RBM19: variants seen among roughly 807,000 people sequenced by gnomAD.
The protein encoded by RBM19 is RNA binding motif protein 19.
Under a neutral mutation model 116.8 loss-of-function variants are expected in RBM19, and 94 were observed. The ratio of observed to expected loss-of-function variants is 0.80; its 90% CI spans 0.68 to 0.95. The LOEUF is 0.95. Ranked by LOEUF, RBM19 falls within the 40% of genes least tolerant of loss-of-function variation. The pLI, the probability that RBM19 is intolerant of heterozygous loss-of-function variation, is 0.00. For synonymous variants in RBM19, 475 were observed against 494.1 expected (o/e 0.96, Z 0.51); for missense variants, 1,161 against 1,220.7 (o/e 0.95, Z 0.73).
At chr12:113,913,665 T>G (rs1342796201) in intron 21 of RBM19, among the ~76,000 whole-genome samples, 1 of 152,242 alleles carries the variant, frequency 6.6e-6, no homozygotes, top group Non-Finnish European at 1.5e-5. Context: ...TAATTGTTTC[T>G]CATCTCCAAA....
At chr12:113,953,617 T>C (rs1871659596) in intron 7 of RBM19, among the ~76,000 whole-genome samples, 1 of 152,226 alleles carries the variant, frequency 6.6e-6, no homozygotes, top group Admixed American at 6.5e-5. Flanking sequence ...GAAACATTAA[T>C]AATACCCAGG....
intron 6 of RBM19, 72 bp from the exon 7 acceptor site, chr12:113,955,283 G>A: frequency 7.0e-7 from 1 of 1,430,212 alleles, no homozygotes; most frequent in Admixed American, 1.7e-5. Flanking sequence ...TGGCACACTG[G>A]GACATTTCAG....
rs376285130 is a variant in RBM19, at chr12:113,920,185, T to C, written c.2385+426A>G. Among the ~76,000 whole-genome samples the C allele has an allele frequency of 4.6e-5, 7 of 152,264 alleles. No homozygotes were observed. The East Asian group carries it at 1.2e-3, about 25-fold the overall frequency. Reference sequence around the variant, plus strand: ...CTGGCCAAGCAGGTGTGGCCTCAACTGTCACCTCCTTAGAGAGGCCTTCCC... The same window carrying C: ...CTGGCCAAGCAGGTGTGGCCTCAACCGTCACCTCCTTAGAGAGGCCTTCCC... On this transcript the variant is annotated intron_variant, in intron 19 of 23. Transcript: ENST00000261741.
chr12:113,895,599 G>A (rs904812843), intron 21 of RBM19, among the ~76,000 whole-genome samples: 1 of 152,132 alleles, frequency 6.6e-6, no homozygotes, highest in Admixed American at 6.6e-5. Flanking sequence ...TCGCCTACAG[G>A]TTCACATATG....
At chr12:113,887,997 C>G (rs1186115264) in intron 21 of RBM19, among the ~76,000 whole-genome samples, 1 of 152,168 alleles carries the variant, frequency 6.6e-6, no homozygotes, top group South Asian at 2.1e-4. Context: ...GTTGAGATTA[C>G]AGGTGTGAGC....
chr12:113,911,917 AAG>A (rs1882454093), intron 21 of RBM19, among the ~76,000 whole-genome samples: 1 of 152,170 alleles, frequency 6.6e-6, no homozygotes, highest in African/African-American at 2.4e-5. Context: ...GAAGTCCGAA[AAG>A]AGAGCCACAG....
rs1232390412 is a variant in RBM19 at position 113,898,287 on chromosome 12, G to A, written c.2558+16682C>T. Among the ~76,000 whole-genome samples the A allele has an allele frequency of 2.6e-5, 4 of 152,036 alleles. No homozygotes were observed. The East Asian group carries it at 7.7e-4, about 29-fold the overall frequency. On this transcript the variant is annotated intron_variant, in intron 21 of 23. Coordinates refer to ENST00000261741, the MANE Select transcript of RBM19 (RefSeq NM_016196.4). This position sits in a 1 kb window ranked among gnomAD's most constrained non-coding sequence, Gnocchi z 4.3. ...ATTTAGACAGTCTAATTTTTAATAC[G>A]TGTACATACATGTGTATCATGATAG...
At chr12:113,927,394 G>A in intron 16 of RBM19, 165 bp from the exon 17 acceptor site, 1 of 742,914 alleles carries the variant, frequency 1.3e-6, no homozygotes, top group Non-Finnish European at 2.1e-6. Context: ...AACTTGTGCT[G>A]AGCTTCAGCA....
In RBM19 at chr12:113,924,687, T is replaced by C. The variant is rs748712958; in HGVS notation, c.2305+10A>G. Reference sequence around the variant, plus strand: ...AATACTGAACACTTTCCGAATTTCATGCGGAATACCTGCTTTGTTCTTCTT... The same window carrying C: ...AATACTGAACACTTTCCGAATTTCACGCGGAATACCTGCTTTGTTCTTCTT... On this transcript the variant is annotated intron_variant, in intron 18 of 23. Transcript: ENST00000261741. 5.9e-6 allele frequency: 9 copies of C among 1,535,472 alleles called. No individual in the cohort carries two copies. The highest frequency in any genetic ancestry group is 4.5e-5 in the South Asian group (4 of 89,398).
downstream of RBM19, among the ~76,000 whole-genome samples, chr12:113,818,729 A>G (rs979218058): frequency 7.2e-5 from 11 of 152,116 alleles, no homozygotes; most frequent in Admixed American, 6.5e-5. Flanking sequence ...AGACACTGAG[A>G]GCCTAGAGAT....
intron 21 of RBM19, among the ~76,000 whole-genome samples, chr12:113,879,962 C>T (rs1879987373): frequency 6.6e-6 from 1 of 151,884 alleles, no homozygotes; most frequent in Admixed American, 6.6e-5. Flanking sequence ...CCTTCTCTGG[C>T]AGCAGCTCTG....
At chr12:113,819,537 G>A (rs1290334036), downstream of RBM19, among the ~76,000 whole-genome samples, 1 of 152,234 alleles carries the variant, frequency 6.6e-6, no homozygotes, top group African/African-American at 2.4e-5. Context: ...TCCCTCCTCA[G>A]TGCCACCTCT....
intron 4 of RBM19, 82 bp from the exon 5 acceptor site, chr12:113,959,486 C>T (rs527626670): frequency 7.1e-7 from 1 of 1,406,084 alleles, no homozygotes; most frequent in South Asian, 1.3e-5. Context: ...GGGGCTTGAT[C>T]TTTCTAACTC....
chr12:113,836,298 T>C (rs1429740247), intron 23 of RBM19, among the ~76,000 whole-genome samples: 2 of 152,158 alleles, frequency 1.3e-5, no homozygotes, highest in Admixed American at 6.5e-5. Context: ...AAAACGTCTG[T>C]CTTGCTATTC....
chr12:113,915,194 A>T, intron 20 of RBM19, 109 bp from the exon 21 acceptor site: 1 of 955,408 alleles, frequency 1.0e-6, no homozygotes, highest in Non-Finnish European at 1.7e-6. Context: ...GGATTCAAGG[A>T]GTGTGCGTGG....
chr12:113,837,102 CATACAT>C (rs1211095285), intron 23 of RBM19, among the ~76,000 whole-genome samples: 2 of 150,580 alleles, frequency 1.3e-5, no homozygotes, highest in African/African-American at 4.9e-5. Flanking sequence ...TACATACATA[CATACAT>C]ACACACACAC....
chr12:113,847,587 G>A (rs1390906745), intron 22 of RBM19, among the ~76,000 whole-genome samples: 1 of 152,062 alleles, frequency 6.6e-6, no homozygotes, highest in Non-Finnish European at 1.5e-5. Context: ...CTCGTGCCAG[G>A]GTCCCTGAGG....
chr12:113,864,149 T>C (rs1364864555), intron 21 of RBM19, among the ~76,000 whole-genome samples: 1 of 152,148 alleles, frequency 6.6e-6, no homozygotes, highest in Non-Finnish European at 1.5e-5. Context: ...CAGGCTTAGC[T>C]AGGCTCAAAG....
At chr12:113,871,942 G>C (rs1206968007) in intron 21 of RBM19, among the ~76,000 whole-genome samples, 6 of 151,740 alleles carry the variant, frequency 4.0e-5, no homozygotes, top group African/African-American at 1.5e-4. Flanking sequence ...CTGCCCGGCT[G>C]CCACCCCGTC....
Sources: gnomAD v4.1 joint callset for allele counts (sites outside exome capture counted in the v4.1 genomes callset) on GRCh38, gnomAD v4.1.1 for gene constraint, Gnocchi (gnomAD v3.1) non-coding constraint, MANE v1.5 for transcripts, NCBI Gene and HGNC (gene_info 2026-07-23, HGNC 2026-07-21) for gene names.